Variants in CRIM1 observed in about 807,000 individuals in gnomAD.
The protein encoded by CRIM1 is cysteine rich transmembrane BMP regulator 1, also known as cysteine-rich motor neuron 1 protein.
CRIM1 carries 32 observed loss-of-function variants against 116.4 expected under a neutral mutation model. That is an observed-to-expected ratio of 0.27 (90% CI 0.21 to 0.37). The LOEUF (loss-of-function observed/expected upper bound fraction) is 0.37. CRIM1 is among the 10% of genes least tolerant of loss of function. The probability of loss-of-function intolerance (pLI) is 1.00; values close to 1 mark genes in which losing one functional copy is unlikely to be tolerated. For synonymous variants in CRIM1, 590 were observed against 509.2 expected (o/e 1.16, Z -2.13); for missense variants, 1,331 against 1,354.8 (o/e 0.98, Z 0.28).
intron 1 of CRIM1, among the ~76,000 whole-genome samples, chr2:36,366,318 C>T (rs1196419044): frequency 2.6e-5 from 4 of 151,870 alleles, no homozygotes; most frequent in Non-Finnish European, 5.9e-5. Flanking sequence ...TGCTGGTATT[C>T]GGACATGTAA....
chr2:36,374,160 A>AT (rs1031075576), intron 1 of CRIM1, among the ~76,000 whole-genome samples: 31 of 152,216 alleles, frequency 2.0e-4, no homozygotes, highest in African/African-American at 7.5e-4. Context: ...ATGCCCAAAG[A>AT]TTCTTGGACC....
intron 2 of CRIM1, among the ~76,000 whole-genome samples, chr2:36,405,374 CAGGGAAGACAG>C (rs1672707106): frequency 6.6e-6 from 1 of 152,162 alleles, no homozygotes; most frequent in South Asian, 2.1e-4. Context: ...TGCATAAGTA[CAGGGAAGACAG>C]AGGCTCCCAG....
At chr2:36,526,803 C>T (rs971784671) in intron 13 of CRIM1, among the ~76,000 whole-genome samples, 4 of 152,118 alleles carry the variant, frequency 2.6e-5, no homozygotes, top group African/African-American at 9.7e-5. Flanking sequence ...TTGATCGTAA[C>T]GTCTATCTTA....
chr2:36,422,105 G>T (rs1404876805), intron 2 of CRIM1, among the ~76,000 whole-genome samples: 1 of 150,978 alleles, frequency 6.6e-6, no homozygotes, highest in Non-Finnish European at 1.5e-5. Flanking sequence ...GTTGAGAAGT[G>T]GCAGAATTGG....
chr2:36,369,743 G>A lies in CRIM1; in HGVS notation c.331+13120G>A, dbSNP rs145528345. On this transcript the variant is annotated intron_variant, in intron 1 of 16. Transcript: ENST00000280527. ...GTACAAGATTGTGGTAGATTTGCTG[G>A]CCTAAAAAGATGTACTCAGGGTAGT... Among the ~76,000 whole-genome samples, 361 of 152,264 alleles carry A rather than the reference G, an allele frequency of 2.4e-3. 3 individuals are homozygous for A. Among genetic ancestry groups the A allele is most frequent in the African/African-American group, 8.3e-3 (345 of 41,570 alleles).
At chr2:36,503,812 A>G (rs1393286264) in intron 8 of CRIM1, among the ~76,000 whole-genome samples, 2 of 152,108 alleles carry the variant, frequency 1.3e-5, no homozygotes, top group African/African-American at 4.8e-5. Flanking sequence ...TTTTTCACAT[A>G]CAGTAGTCCT....
At chr2:36,495,969 G>A (rs898308949) in intron 7 of CRIM1, among the ~76,000 whole-genome samples, 1 of 152,124 alleles carries the variant, frequency 6.6e-6, no homozygotes, top group Non-Finnish European at 1.5e-5. Context: ...CACATGATAG[G>A]AAACCAAGCA....
chr2:36,395,299 G>T (rs1469704325), intron 1 of CRIM1, among the ~76,000 whole-genome samples: 1 of 152,126 alleles, frequency 6.6e-6, no homozygotes, highest in Non-Finnish European at 1.5e-5. Flanking sequence ...ACCACTCCCA[G>T]CCAAAAACAG....
chr2:36,490,671 TG>T (rs1680165115), intron 7 of CRIM1, among the ~76,000 whole-genome samples: 1 of 152,150 alleles, frequency 6.6e-6, no homozygotes, highest in Non-Finnish European at 1.5e-5. Flanking sequence ...GTTTGACTTC[TG>T]GGAGAGCTGG....
chr2:36,472,506 C>T (rs575522563), intron 5 of CRIM1, among the ~76,000 whole-genome samples: 28 of 152,198 alleles, frequency 1.8e-4, no homozygotes, highest in African/African-American at 5.8e-4. Flanking sequence ...CTAGTGAAAC[C>T]TAAGTGCCAC....
At chr2:36,459,949 A>C (rs1482814138) in intron 4 of CRIM1, among the ~76,000 whole-genome samples, 1 of 152,188 alleles carries the variant, frequency 6.6e-6, no homozygotes, top group Non-Finnish European at 1.5e-5. Flanking sequence ...GAAGCAAAGG[A>C]CATGAAGGGA....
chr2:36,543,682 G>T (rs998575327), intron 14 of CRIM1, among the ~76,000 whole-genome samples: 1 of 137,544 alleles, frequency 7.3e-6, no homozygotes. Context: ...GCTGAGAAAA[G>T]TTCTGATTTT....
chr2:36,508,107 G>A (rs1681556503), intron 8 of CRIM1, among the ~76,000 whole-genome samples: 1 of 152,042 alleles, frequency 6.6e-6, no homozygotes, highest in South Asian at 2.1e-4. Context: ...GACCTTTCAA[G>A]TCATATAATT....
chr2:36,417,768 A>G lies in CRIM1; in HGVS notation c.505+20981A>G, dbSNP rs144435289. Among the ~76,000 whole-genome samples the G allele has an allele frequency of 3.2e-4, 49 of 152,368 alleles. 2 individuals are homozygous for G. In the East Asian group the frequency reaches 4.6e-3, roughly 14 times the overall value. The stretch of plus-strand genomic sequence containing the variant: ...TTCCAGTTTTCTTGGGGAGACAGGC[A>G]TGAACACCACTCACTAGAATAGAAA... On this transcript the variant is annotated intron_variant, in intron 2 of 16. Transcript: ENST00000280527.
intron 7 of CRIM1, among the ~76,000 whole-genome samples, chr2:36,485,496 G>C (rs1331520010): frequency 6.6e-6 from 1 of 152,196 alleles, no homozygotes; most frequent in East Asian, 1.9e-4. Flanking sequence ...GATATAGCTT[G>C]AATCAAGCTG....
chr2:36,528,613 A>G (rs1455465098), intron 13 of CRIM1, among the ~76,000 whole-genome samples: 2 of 152,214 alleles, frequency 1.3e-5, no homozygotes, highest in Admixed American at 6.5e-5. Flanking sequence ...AGGGAGATGT[A>G]TACCTCCTGC....
chr2:36,416,978 G>C (rs763526380), intron 2 of CRIM1, among the ~76,000 whole-genome samples: 2 of 152,148 alleles, frequency 1.3e-5, no homozygotes, highest in African/African-American at 4.8e-5. Flanking sequence ...GGTGTTGGAC[G>C]GGGAAGCAGA....
chr2:36,468,337 G>C (rs1678211247), intron 5 of CRIM1, among the ~76,000 whole-genome samples: 1 of 152,168 alleles, frequency 6.6e-6, no homozygotes, highest in Non-Finnish European at 1.5e-5. Context: ...AGCCTGATGA[G>C]TAGATGCAGA....
At chr2:36,447,594 G>A (rs1430906702) in intron 4 of CRIM1, among the ~76,000 whole-genome samples, 1 of 152,222 alleles carries the variant, frequency 6.6e-6, no homozygotes, top group Non-Finnish European at 1.5e-5. Flanking sequence ...TCAGAAGCAG[G>A]AGAGGAAGTT....
Sources: allele counts gnomAD v4.1 joint callset (sites outside exome capture counted in the v4.1 genomes callset), GRCh38; gene constraint gnomAD v4.1.1; transcripts MANE v1.5; gene names NCBI Gene and HGNC (gene_info 2026-07-23, HGNC 2026-07-21).